Variants in USP34 observed in about 807,000 individuals in gnomAD.
The protein encoded by USP34 is ubiquitin carboxyl-terminal hydrolase 34.
In USP34, 70 loss-of-function variants were observed where a neutral mutation model predicts 460.3. The observed-to-expected ratio is 0.15, with a 90% CI of 0.13 to 0.19. The LOEUF (loss-of-function observed/expected upper bound fraction) is 0.19, where lower values mean the gene tolerates loss of function less well. USP34 is among the 10% of genes least tolerant of loss of function. The pLI, the probability that USP34 is intolerant of heterozygous loss-of-function variation, is 1.00. For missense variants in USP34, 3,985 were observed against 4,236.2 expected, an observed-to-expected ratio of 0.94 and a Z score of 1.65; for synonymous variants, 1,647 against 1,405.3, an observed-to-expected ratio of 1.17 and a Z score of -3.85.
Position 61,288,834 on chromosome 2 carries a change from T to C in USP34, c.4592A>G (p.Gln1531Arg), listed in dbSNP as rs2103972347. ...CAAATCGGATGGATCTACTGCAAACTGGCATATTAACTTCAGCAAGCAAGC... is the reference window on the plus strand; with the variant it reads ...CAAATCGGATGGATCTACTGCAAACCGGCATATTAACTTCAGCAAGCAAGC... ...CLACLLKLIC[Q>R]FAVDPSDLDL... is the part of the protein sequence containing the mutation. Residue 1531 changes from glutamine (Q) to arginine (R), a missense_variant, in exon 34 of 80, where the codon CAG becomes CGG. Transcript: ENST00000398571. 1 of 1,613,688 alleles carries C rather than the reference T, an allele frequency of 6.2e-7. No homozygotes were observed. The highest frequency in any genetic ancestry group is 1.3e-5 in the African/African-American group (1 of 75,058).
At chr2:61,251,470 T>C in intron 48 of USP34, among the ~76,000 whole-genome samples, 1 of 152,246 alleles carries the variant, frequency 6.6e-6, no homozygotes, top group Non-Finnish European at 1.5e-5. Flanking sequence ...TAATTTTTCT[T>C]AATAAATAGA....
At chr2:61,273,956 T>C (rs2103940244) in intron 41 of USP34, among the ~76,000 whole-genome samples, 1 of 152,066 alleles carries the variant, frequency 6.6e-6, no homozygotes, top group Middle Eastern at 3.4e-3. Context: ...ACCTAAACAA[T>C]TTCCTGATAG....
intron 10 of USP34, among the ~76,000 whole-genome samples, chr2:61,355,669 C>CA (rs1283680131): frequency 1.3e-5 from 2 of 151,712 alleles, no homozygotes; most frequent in Non-Finnish European, 2.9e-5. Flanking sequence ...ACTAAACATA[C>CA]AAAAAAGGCA....
chr2:61,325,139 C>T (rs977120890), intron 21 of USP34, among the ~76,000 whole-genome samples: 1 of 152,092 alleles, frequency 6.6e-6, no homozygotes, highest in East Asian at 1.9e-4. Flanking sequence ...AATAAACTAT[C>T]GGGTACAATG....
chr2:61,193,107 C>T, intron 75 of USP34, 127 bp from the exon 76 acceptor site: 1 of 710,104 alleles, frequency 1.4e-6, no homozygotes, highest in Non-Finnish European at 2.3e-6. Flanking sequence ...TTTTAAAGTA[C>T]ATAAAGGGGA....
chr2:61,329,938 T>C (rs991558391), intron 20 of USP34, among the ~76,000 whole-genome samples: 11 of 152,108 alleles, frequency 7.2e-5, no homozygotes, highest in African/African-American at 2.7e-4. Context: ...GCCTTCCTAA[T>C]TTGACAGATA....
intron 10 of USP34, among the ~76,000 whole-genome samples, chr2:61,357,845 A>C (rs113385413): frequency 0.012 from 1,803 of 152,088 alleles, 33 homozygotes; most frequent in African/African-American, 0.042. Flanking sequence ...TAAGATTACA[A>C]CACTGCATAC....
chr2:61,411,572 C>T lies in USP34; in HGVS notation c.132-5444G>A, dbSNP rs183638631. Among the ~76,000 whole-genome samples the T allele has an allele frequency of 3.9e-5, 6 of 152,174 alleles. No homozygotes were observed. In the South Asian group the frequency reaches 6.2e-4, roughly 16 times the overall value. ...CTTACCAAGTTTATTTCTTTCACTC[C>T]GAGTTACTATTTGTCCCTTTTCTGT... is the stretch of plus-strand genomic sequence containing the variant. On this transcript the variant is annotated intron_variant, in intron 2 of 79. Transcript: ENST00000398571.
chr2:61,209,825 A>T (rs1036274040), intron 69 of USP34, among the ~76,000 whole-genome samples: 1 of 152,206 alleles, frequency 6.6e-6, no homozygotes, highest in African/African-American at 2.4e-5. Context: ...GCCTCTGAAG[A>T]CCTCCCAAGT....
Position 61,261,626 on chromosome 2 carries a change from T to C in USP34, c.5779-1850A>G, listed in dbSNP as rs138942805. ...TATTTAATCCCATCAACTGTATATA[T>C]GTATAAATGGTTAAAATGATGAATT... is the stretch of plus-strand genomic sequence containing the variant. On this transcript the variant is annotated intron_variant, in intron 43 of 79. Transcript: ENST00000398571. Among the ~76,000 whole-genome samples, 54 of 152,292 alleles carry C rather than the reference T, an allele frequency of 3.5e-4. No homozygotes were observed. The East Asian group carries it at 0.01, about 28-fold the overall frequency.
At chr2:61,455,798 G>C (rs1695420309) in intron 1 of USP34, among the ~76,000 whole-genome samples, 1 of 152,118 alleles carries the variant, frequency 6.6e-6, no homozygotes. Context: ...GTTAAATGTT[G>C]ATATGCATTA....
intron 2 of USP34, among the ~76,000 whole-genome samples, chr2:61,407,441 C>G (rs1480649333): frequency 6.6e-6 from 1 of 152,168 alleles, no homozygotes; most frequent in Non-Finnish European, 1.5e-5. Context: ...ATACTTGTAC[C>G]AGATGACAGC....
chr2:61,358,669 G>A (rs924595466), intron 10 of USP34, among the ~76,000 whole-genome samples: 1 of 152,146 alleles, frequency 6.6e-6, no homozygotes, highest in African/African-American at 2.4e-5. Context: ...AAAGGAAGAT[G>A]TAAAACTATC....
intron 35 of USP34, among the ~76,000 whole-genome samples, chr2:61,283,980 C>G (rs1689613841): frequency 6.6e-6 from 1 of 151,872 alleles, no homozygotes; most frequent in African/African-American, 2.4e-5. Flanking sequence ...GTATGAAGTT[C>G]CAGATAGAGC....
chr2:61,350,714 G>A (rs1299607250), intron 10 of USP34, 21 bp from the exon 11 acceptor site: 2 of 1,601,198 alleles, frequency 1.2e-6, no homozygotes, highest in Non-Finnish European at 8.5e-7. Context: ...AAGTTAGAGA[G>A]AATGGTCAAA....
chr2:61,350,926 A>T (rs1051689062), intron 10 of USP34, among the ~76,000 whole-genome samples: 7 of 152,218 alleles, frequency 4.6e-5, no homozygotes, highest in Non-Finnish European at 8.8e-5. Flanking sequence ...TGAATTTCCT[A>T]ATTATAAGAG....
chr2:61,260,854 G>A (rs1218506285), intron 43 of USP34, among the ~76,000 whole-genome samples: 3 of 152,134 alleles, frequency 2.0e-5, no homozygotes, highest in Non-Finnish European at 4.4e-5. Context: ...TGAAGTATGA[G>A]TTGGCTAAAG....
intron 37 of USP34, among the ~76,000 whole-genome samples, chr2:61,282,428 A>C (rs1689562207): frequency 6.6e-6 from 1 of 152,234 alleles, no homozygotes; most frequent in Admixed American, 6.5e-5. Flanking sequence ...CCTCAGTGTC[A>C]ACATGGGAAG....
intron 29 of USP34, 132 bp downstream of exon 29, chr2:61,300,818 AT>A: frequency 6.2e-6 from 4 of 642,384 alleles, no homozygotes; most frequent in African/African-American, 2.0e-5. Context: ...CAAAAAAAAA[AT>A]GAACAAAAAA....
Sources: gnomAD v4.1 joint callset for allele counts (sites outside exome capture counted in the v4.1 genomes callset) on GRCh38, gnomAD v4.1.1 for gene constraint, MANE v1.5 for transcripts, NCBI Gene and HGNC (gene_info 2026-07-23, HGNC 2026-07-21) for gene names.